DLG2: variants seen among roughly 807,000 people sequenced by gnomAD.
The protein encoded by DLG2 is disks large homolog 2.
DLG2 carries 45 observed loss-of-function variants against 132.5 expected under a neutral mutation model. The ratio of observed to expected loss-of-function variants is 0.34; its 90% confidence interval spans 0.27 to 0.44. The LOEUF (loss-of-function observed/expected upper bound fraction) is 0.44. DLG2 is among the 20% of genes least tolerant of loss of function. DLG2 has a pLI of 1.00. For synonymous variants in DLG2, 424 were observed against 419.6 expected, an observed-to-expected ratio of 1.01 and a Z score of -0.13; for missense variants, 1,045 against 1,196.9, an observed-to-expected ratio of 0.87 and a Z score of 1.87.
intron 8 of DLG2, among the ~76,000 whole-genome samples, chr11:84,248,350 T>C (rs1351414708): frequency 2.6e-5 from 4 of 152,076 alleles, no homozygotes; most frequent in African/African-American, 9.7e-5. Flanking sequence ...ATAAATACTT[T>C]AGCTGCTATC....
At chr11:84,122,402 C>T (rs777291025) in intron 9 of DLG2, among the ~76,000 whole-genome samples, 1 of 152,172 alleles carries the variant, frequency 6.6e-6, no homozygotes, top group African/African-American at 2.4e-5. Context: ...GGGGAGAGGA[C>T]ATGTCAATGT....
intron 12 of DLG2, among the ~76,000 whole-genome samples, chr11:83,976,313 G>A (rs769663061): frequency 1.3e-5 from 2 of 151,848 alleles, no homozygotes; most frequent in Non-Finnish European, 2.9e-5. Flanking sequence ...AATATATGGT[G>A]GAATTTTTCC....
chr11:84,734,522 T>C (rs2153815861), intron 6 of DLG2, among the ~76,000 whole-genome samples: 3 of 152,294 alleles, frequency 2.0e-5, no homozygotes, highest in Middle Eastern at 6.8e-3. Flanking sequence ...GCTTATCAGC[T>C]TAAGGAGATT....
At chr11:83,596,923 T>G (rs2057689566) in intron 19 of DLG2, among the ~76,000 whole-genome samples, 1 of 152,188 alleles carries the variant, frequency 6.6e-6, no homozygotes, top group African/African-American at 2.4e-5. Flanking sequence ...CCTCTCTCAG[T>G]TCTCATAGCT....
At chr11:84,040,848 C>T (rs1220017129) in intron 11 of DLG2, among the ~76,000 whole-genome samples, 2 of 151,964 alleles carry the variant, frequency 1.3e-5, no homozygotes, top group Non-Finnish European at 2.9e-5. Flanking sequence ...TCTTCCTACG[C>T]ATGAGCATGG....
At position 85,375,981 on chromosome 11, in the gene DLG2, A is replaced by G. The variant is rs370623958; in HGVS notation, c.41-90616T>C. Among the ~76,000 whole-genome samples the G allele has an allele frequency of 3.3e-5, 5 of 152,348 alleles. No homozygotes were observed. The South Asian group carries it at 6.2e-4, about 19-fold the overall frequency. ...AGTCCAATGAGAAAGAAAAATGCCA[A>G]GTATACATAGATATTAATATTTTAC... On this transcript the variant is annotated intron_variant, in intron 3 of 27. Coordinates refer to ENST00000376104, the MANE Select transcript of DLG2 (RefSeq NM_001142699.3).
intron 6 of DLG2, chr11:84,762,262 A>G (rs950180126): frequency 6.6e-6 from 1 of 152,226 alleles, no homozygotes; most frequent in Non-Finnish European, 1.5e-5. Flanking sequence ...TATTAAGAAT[A>G]CACAATTTTT....
At chr11:83,604,994 C>A (rs1407050747) in intron 19 of DLG2, among the ~76,000 whole-genome samples, 2 of 97,072 alleles carry the variant, frequency 2.1e-5, no homozygotes. Context: ...TGAAATGGAC[C>A]AGTTTTCAAA....
At chr11:84,249,534 T>G (rs908006799) in intron 8 of DLG2, among the ~76,000 whole-genome samples, 1 of 152,180 alleles carries the variant, frequency 6.6e-6, no homozygotes, top group Admixed American at 6.5e-5. Context: ...ATGACTCATT[T>G]TTTCCCAAGT....
In DLG2 at chr11:85,389,401, A is replaced by C. The variant is rs1392347040; in HGVS notation, c.41-104036T>G. Among the ~76,000 whole-genome samples, 5 of 152,332 alleles carry C rather than the reference A, an allele frequency of 3.3e-5. No individual in the cohort carries two copies. In the South Asian group the frequency reaches 6.2e-4, roughly 19 times the overall value. On this transcript the variant is annotated intron_variant, in intron 3 of 27. Coordinates refer to ENST00000376104, the MANE Select transcript of DLG2 (RefSeq NM_001142699.3). The stretch of plus-strand genomic sequence containing the variant: ...CTAAGAATAACTGATGCTCCCAAGG[A>C]AGAAGAGAAATCTAAAAGTTTGGAA...
chr11:84,549,130 G>T (rs1040888071), intron 6 of DLG2, among the ~76,000 whole-genome samples: 1 of 152,182 alleles, frequency 6.6e-6, no homozygotes, highest in Non-Finnish European at 1.5e-5. Context: ...GGATGCAAAG[G>T]AAGGGGTTTC....
At position 83,532,758 on chromosome 11, in the gene DLG2, A is replaced by G. The variant is rs1485356954; in HGVS notation, c.2143T>C (p.Leu715=). 3.1e-6 allele frequency: 5 copies of G among 1,612,778 alleles called. No homozygotes were observed. The South Asian group carries it at 4.4e-5, about 14-fold the overall frequency. ...RRVERKERAR[L]KTVKFNAKPG... The stretch of plus-strand genomic sequence containing the variant: ...TTGGCATTAAACTTCACTGTCTTCA[A>G]TCGGGCACGTTCCTTTCTTTCCACC... The change falls in exon 21 of 28, where the codon TTG becomes CTG. Residue 715 remains leucine (L), a synonymous_variant. Coordinates refer to ENST00000376104, the MANE Select transcript of DLG2 (RefSeq NM_001142699.3).
intron 18 of DLG2, among the ~76,000 whole-genome samples, chr11:83,729,886 G>T (rs1440712811): frequency 2.0e-5 from 3 of 152,150 alleles, no homozygotes; most frequent in African/African-American, 7.2e-5. Context: ...CATTTAAGAA[G>T]AGTGAGCATG....
intron 7 of DLG2, among the ~76,000 whole-genome samples, chr11:84,395,068 T>C (rs940541629): frequency 1.3e-5 from 2 of 152,180 alleles, no homozygotes; most frequent in African/African-American, 4.8e-5. Context: ...CTGGATAAAT[T>C]TTCTGGACTA....
chr11:83,886,763 GCAAT>G (rs1053203556), intron 15 of DLG2, among the ~76,000 whole-genome samples: 7 of 152,126 alleles, frequency 4.6e-5, no homozygotes, highest in Admixed American at 2.0e-4. Flanking sequence ...AGACCACAGC[GCAAT>G]CAAACTAAAA....
At chr11:84,875,247 T>A (rs1600509781) in intron 6 of DLG2, among the ~76,000 whole-genome samples, 1 of 152,224 alleles carries the variant, frequency 6.6e-6, no homozygotes, top group South Asian at 2.1e-4. Flanking sequence ...AAAGTGAAAA[T>A]GCTGAGAAGG....
chr11:85,002,239 T>A (rs1293670814), intron 6 of DLG2, among the ~76,000 whole-genome samples: 1 of 152,116 alleles, frequency 6.6e-6, no homozygotes, highest in Non-Finnish European at 1.5e-5. Context: ...AAATATCACA[T>A]CATAAAAATA....
chr11:84,912,305 G>A (rs1170639379), intron 6 of DLG2, among the ~76,000 whole-genome samples: 9 of 152,184 alleles, frequency 5.9e-5, no homozygotes, highest in South Asian at 2.1e-4. Flanking sequence ...ACAGGCACCC[G>A]CCACCACGCC....
intron 6 of DLG2, among the ~76,000 whole-genome samples, chr11:84,769,546 A>C (rs983071331): frequency 2.6e-5 from 4 of 152,180 alleles, no homozygotes; most frequent in Non-Finnish European, 5.9e-5. Context: ...CAACGTGGAA[A>C]ACATATTTCA....
Sources: gnomAD v4.1 joint callset for allele counts (sites outside exome capture counted in the v4.1 genomes callset) on GRCh38, gnomAD v4.1.1 for gene constraint, MANE v1.5 for transcripts, NCBI Gene and HGNC (gene_info 2026-07-23, HGNC 2026-07-21) for gene names.